Variants in GLDC observed in about 807,000 individuals in gnomAD.
GLDC encodes glycine decarboxylase.
A neutral mutation model predicts 121.3 loss-of-function variants in GLDC; 104 were observed. That is an observed-to-expected ratio of 0.86 (90% CI 0.73 to 1.01). The LOEUF (loss-of-function observed/expected upper bound fraction) is 1.01. Ranked by LOEUF, GLDC falls within the 50% of genes least tolerant of loss-of-function variation. The pLI is 0.00. For missense variants in GLDC, 1,429 were observed against 1,306.6 expected (o/e 1.09, Z -1.44); for synonymous variants, 546 against 480.6 (o/e 1.14, Z -1.78).
chr9:6,550,705 T>G (rs1471789860), intron 21 of GLDC, 98 bp downstream of exon 21: 6 of 788,540 alleles, frequency 7.6e-6, no homozygotes, highest in Non-Finnish European at 1.4e-5. Flanking sequence ...TGCTAAGAAA[T>G]AGAAGTCTCT....
At chr9:6,554,555 A>G in intron 19 of GLDC, 114 bp downstream of exon 19, 1 of 798,632 alleles carries the variant, frequency 1.3e-6, no homozygotes, top group South Asian at 1.5e-5. Flanking sequence ...AGTGCACTAC[A>G]CCGATGAGGG....
rs148068217 is a variant in GLDC at position 6,611,520 on chromosome 9, T to C, written c.471-1164A>G. 7.3e-3 allele frequency among the ~76,000 whole-genome samples: 1,092 copies of C among 149,176 alleles called. 19 individuals carry two copies. The highest frequency in any genetic ancestry group is 0.025 in the African/African-American group (1,024 of 40,452). ...GCAGTGAGCTGAGATCACGCCACTG[T>C]ACTCCAGCCTGGGCAACAGAGCAAG... is the stretch of plus-strand genomic sequence containing the variant. On this transcript the variant is annotated intron_variant, in intron 3 of 24. Transcript: ENST00000321612.
intron 3 of GLDC, among the ~76,000 whole-genome samples, chr9:6,619,093 A>G (rs1336139539): frequency 6.8e-6 from 1 of 146,848 alleles, no homozygotes; most frequent in Non-Finnish European, 1.5e-5. Context: ...CAGTGAGCCA[A>G]GATCATCCCA....
chr9:6,622,956 C>T lies in GLDC; in HGVS notation c.335-2637G>A, dbSNP rs531175357. ...GCGACCCCGTCTGGGAGGTGAGGAACGTCTCCGCCCGGCAGCCACCCCGTC... is the reference window on the plus strand; with the variant it reads ...GCGACCCCGTCTGGGAGGTGAGGAATGTCTCCGCCCGGCAGCCACCCCGTC... On this transcript the variant is annotated intron_variant, in intron 2 of 24. Coordinates refer to ENST00000321612, the MANE Select transcript of GLDC (RefSeq NM_000170.3). 188 of 184,940 alleles carry T rather than the reference C, an allele frequency of 1.0e-3. 4 individuals are homozygous for T. Among genetic ancestry groups the T allele is most frequent in the South Asian group, 6.0e-3 (83 of 13,848 alleles). 11.5% of individuals were successfully genotyped at this position (184,940 alleles called of 1,614,324 possible).
intron 3 of GLDC, among the ~76,000 whole-genome samples, chr9:6,612,659 C>T (rs1563861322): frequency 6.6e-6 from 1 of 151,998 alleles, no homozygotes; most frequent in Non-Finnish European, 1.5e-5. Context: ...GTCAGGAGTT[C>T]GAGACGAGCC....
intron 5 of GLDC, 78 bp from the exon 6 acceptor site, chr9:6,605,356 G>T: frequency 1.4e-6 from 2 of 1,475,152 alleles, no homozygotes; most frequent in South Asian, 1.2e-5. Context: ...TTTCCAGTAA[G>T]ACAGCATTCA....
At chr9:6,590,581 T>C (rs776292069) in intron 11 of GLDC, among the ~76,000 whole-genome samples, 1 of 152,216 alleles carries the variant, frequency 6.6e-6, no homozygotes, top group Admixed American at 6.5e-5. Flanking sequence ...CCTTCCTTCA[T>C]GAGAGGAAGT....
intron 2 of GLDC, among the ~76,000 whole-genome samples, chr9:6,640,173 C>G (rs917225451): frequency 3.9e-5 from 6 of 152,258 alleles, no homozygotes; most frequent in African/African-American, 1.4e-4. Flanking sequence ...CTACAGCAAG[C>G]TCATTACAGC....
chr9:6,539,996 AG>A, intron 22 of GLDC, 54 bp downstream of exon 22: 1 of 1,086,260 alleles, frequency 9.2e-7, no homozygotes, highest in Admixed American at 1.7e-5. Flanking sequence ...TTTGTGCTTT[AG>A]GAAGTGGTCC....
intron 11 of GLDC, 39 bp downstream of exon 11, chr9:6,592,104 A>G (rs1033919094): frequency 7.2e-6 from 9 of 1,244,970 alleles, no homozygotes; most frequent in Non-Finnish European, 1.1e-5. Context: ...ACCACCTCCA[A>G]TAGTTATGAT....
At chr9:6,620,109 CA>C in intron 3 of GLDC, 74 bp downstream of exon 3, 1 of 1,466,150 alleles carries the variant, frequency 6.8e-7, no homozygotes, top group South Asian at 1.1e-5. Flanking sequence ...TCTGAGACTG[CA>C]AGGGGACAGA....
Position 6,645,239 on chromosome 9 carries a change from C to A in GLDC, c.255+6G>T. 1 of 1,586,098 alleles carries A rather than the reference C, an allele frequency of 6.3e-7. No individual in the cohort carries two copies. The highest frequency in any genetic ancestry group is 8.6e-7 in the Non-Finnish European group (1 of 1,166,378). ...AGGCCGCGGAGGGCCGGGTGGAGGT[C>A]CTTACCGCCAGCCCCAAGGTCTGCA... On this transcript the variant is annotated splice_donor_region_variant and intron_variant, in intron 1 of 24. Transcript: ENST00000321612.
chr9:6,615,340 C>T (rs573260167), intron 3 of GLDC, among the ~76,000 whole-genome samples: 110 of 151,748 alleles, frequency 7.2e-4, no homozygotes, highest in Non-Finnish European at 1.4e-3. Flanking sequence ...CACCTGTCAG[C>T]ACTTTGGGAG....
chr9:6,630,524 T>A (rs140670258), intron 2 of GLDC, among the ~76,000 whole-genome samples: 1 of 152,226 alleles, frequency 6.6e-6, no homozygotes, highest in Non-Finnish European at 1.5e-5. Context: ...TCATCAGGAC[T>A]GAAAACCAAC....
At chr9:6,604,856 A>G (rs910941724) in intron 6 of GLDC, 72 bp from the exon 7 acceptor site, 5 of 1,240,782 alleles carry the variant, frequency 4.0e-6, no homozygotes, top group Admixed American at 3.4e-5. Context: ...GTAGGAAATT[A>G]TCTTAACTAC....
At chr9:6,571,521 G>A (rs1817967911) in intron 15 of GLDC, among the ~76,000 whole-genome samples, 1 of 152,124 alleles carries the variant, frequency 6.6e-6, no homozygotes, top group African/African-American at 2.4e-5. Flanking sequence ...GCCACTGTAC[G>A]ATTTCACTGT....
chr9:6,608,810 A>T (rs10975686), intron 4 of GLDC, among the ~76,000 whole-genome samples: 5,682 of 151,718 alleles, frequency 0.037, 323 homozygotes, highest in African/African-American at 0.12. Flanking sequence ...GCAATTTTTT[A>T]AAAAAAGAGG....
intron 16 of GLDC, 77 bp downstream of exon 16, chr9:6,565,277 T>G (rs1817832373): frequency 1.0e-6 from 1 of 973,872 alleles, no homozygotes; most frequent in South Asian, 1.3e-5. Flanking sequence ...TTGGAGGGAG[T>G]GTCCCACAGA....
chr9:6,644,099 C>T (rs1415352573), intron 2 of GLDC, among the ~76,000 whole-genome samples: 1 of 138,624 alleles, frequency 7.2e-6, no homozygotes, highest in Non-Finnish European at 1.5e-5. Context: ...TCGAAAAGTA[C>T]TGCTGTCTTT....
Sources: allele counts gnomAD v4.1 joint callset (sites outside exome capture counted in the v4.1 genomes callset), GRCh38; gene constraint gnomAD v4.1.1; transcripts MANE v1.5; gene names NCBI Gene and HGNC (gene_info 2026-07-23, HGNC 2026-07-21).